Variants in EPHA3 observed in about 807,000 individuals in gnomAD.
EPHA3 encodes ephrin type-A receptor 3.
In EPHA3, 42 loss-of-function variants were observed where a neutral mutation model predicts 107.1. The observed-to-expected ratio is 0.39, with a 90% CI of 0.31 to 0.51. EPHA3 has a LOEUF of 0.51. Ranked by LOEUF, EPHA3 falls within the 20% of genes least tolerant of loss-of-function variation. The probability of loss-of-function intolerance (pLI) is 0.78; values close to 1 mark genes in which losing one functional copy is unlikely to be tolerated. For synonymous variants in EPHA3, 461 were observed against 424.8 expected (o/e 1.09, Z -1.05); for missense variants, 1,183 against 1,211.2 (o/e 0.98, Z 0.35).
At chr3:89,113,419 A>C (rs1707161916) in intron 1 of EPHA3, among the ~76,000 whole-genome samples, 1 of 124,962 alleles carries the variant, frequency 8.0e-6, no homozygotes, top group Non-Finnish European at 1.6e-5. Context: ...ACCTGGCAGG[A>C]GGTTTTCTCC....
chr3:89,121,242 AT>A (rs1213412179), intron 1 of EPHA3, among the ~76,000 whole-genome samples: 1 of 151,996 alleles, frequency 6.6e-6, no homozygotes, highest in East Asian at 1.9e-4. Flanking sequence ...TCTCAAAAAA[AT>A]AAATAAATAA....
In EPHA3 at chr3:89,341,035, C is replaced by A; in HGVS notation, c.934C>A (p.Arg312=). 2 of 1,614,046 alleles carry A rather than the reference C, an allele frequency of 1.2e-6. No individual in the cohort carries two copies. The highest frequency in any genetic ancestry group is 1.7e-6 in the Non-Finnish European group (2 of 1,179,980). ...CTGCAGGTGTGAGAATAATTACTTC[C>A]GGGCAGACAAAGACCCTCCATCCAT... ...MNCRCENNYF[R]ADKDPPSMAC... is the part of the protein sequence containing the mutation. The change falls in exon 4 of 17, where the codon CGG becomes AGG. Residue 312 remains arginine (R), a synonymous_variant. Transcript: ENST00000336596.
chr3:89,340,902 C>A lies in EPHA3; in HGVS notation c.815-14C>A. ...TTATCACAGACTTTTAAAAGAGAGT[C>A]ATTTTGTTTGTAGCTTGTCGACCAG... On this transcript the variant is annotated splice_polypyrimidine_tract_variant and intron_variant, in intron 3 of 16. Transcript: ENST00000336596. The A allele has an allele frequency of 6.3e-7, 1 of 1,587,450 alleles. No homozygotes were observed. Among genetic ancestry groups the A allele is most frequent in the Non-Finnish European group, 8.5e-7 (1 of 1,169,696 alleles).
At chr3:89,467,955 C>T (rs769990741) in intron 15 of EPHA3, among the ~76,000 whole-genome samples, 4 of 152,156 alleles carry the variant, frequency 2.6e-5, no homozygotes, top group African/African-American at 4.8e-5. Context: ...TGTGAGCTCA[C>T]GGTGCACATC....
At chr3:89,459,241 T>C (rs1202529916) in intron 15 of EPHA3, among the ~76,000 whole-genome samples, 1 of 152,178 alleles carries the variant, frequency 6.6e-6, no homozygotes, top group African/African-American at 2.4e-5. Flanking sequence ...AAAACTATTC[T>C]GAATTTTGGA....
At chr3:89,263,524 G>T (rs1204753563) in intron 3 of EPHA3, among the ~76,000 whole-genome samples, 1 of 152,152 alleles carries the variant, frequency 6.6e-6, no homozygotes, top group African/African-American at 2.4e-5. Flanking sequence ...GCAGTAACGG[G>T]AGCTGAAAAG....
At chr3:89,360,471 A>G (rs565081311) in intron 5 of EPHA3, among the ~76,000 whole-genome samples, 2 of 150,904 alleles carry the variant, frequency 1.3e-5, no homozygotes, top group South Asian at 4.2e-4. Flanking sequence ...GCTAACTGCA[A>G]CTCTATGCTT....
intron 5 of EPHA3, among the ~76,000 whole-genome samples, chr3:89,367,071 A>G (rs1339948118): frequency 2.7e-5 from 4 of 150,216 alleles, no homozygotes; most frequent in African/African-American, 4.8e-5. Context: ...TTGCGTTTCC[A>G]CCTCATCTGT....
chr3:89,241,770 C>T (rs368226709), intron 3 of EPHA3, among the ~76,000 whole-genome samples: 1 of 152,064 alleles, frequency 6.6e-6, no homozygotes, highest in South Asian at 2.1e-4. Context: ...TCTATTATTT[C>T]TTGGAACACA....
chr3:89,460,845 C>CTTTTTTTTTTT (rs1710220120), intron 15 of EPHA3, among the ~76,000 whole-genome samples: 1 of 79,982 alleles, frequency 1.3e-5, no homozygotes, highest in African/African-American at 5.1e-5. Flanking sequence ...TTTTATTATA[C>CTTTTTTTTTTT]TCTAAGTTTT....
chr3:89,346,903 G>A (rs1463284357), intron 5 of EPHA3, among the ~76,000 whole-genome samples: 3 of 146,582 alleles, frequency 2.0e-5, no homozygotes, highest in Non-Finnish European at 4.5e-5. Flanking sequence ...GTTTTTCTCA[G>A]GTTTGTCAAA....
intron 2 of EPHA3, among the ~76,000 whole-genome samples, chr3:89,188,123 T>C (rs1214548200): frequency 6.6e-6 from 1 of 152,218 alleles, no homozygotes; most frequent in African/African-American, 2.4e-5. Flanking sequence ...ATTTTCATGA[T>C]GACAATAAAT....
intron 2 of EPHA3, among the ~76,000 whole-genome samples, chr3:89,140,340 AAC>A (rs1704405102): frequency 6.6e-6 from 1 of 151,856 alleles, no homozygotes; most frequent in Non-Finnish European, 1.5e-5. Flanking sequence ...CTAGTCTTAA[AAC>A]AGAAGGATTG....
intron 11 of EPHA3, among the ~76,000 whole-genome samples, chr3:89,422,575 T>C (rs1481198993): frequency 6.6e-6 from 1 of 151,372 alleles, no homozygotes; most frequent in Non-Finnish European, 1.5e-5. Context: ...TTACTATTTT[T>C]AGATACTAAA....
intron 1 of EPHA3, among the ~76,000 whole-genome samples, chr3:89,114,416 G>T (rs1274270096): frequency 6.6e-6 from 1 of 152,084 alleles, no homozygotes; most frequent in Non-Finnish European, 1.5e-5. Context: ...GAAAACAACG[G>T]TGTCTCTCAA....
intron 5 of EPHA3, among the ~76,000 whole-genome samples, chr3:89,373,019 A>G (rs1708338353): frequency 6.6e-6 from 1 of 151,798 alleles, no homozygotes; most frequent in South Asian, 2.1e-4. Flanking sequence ...TTTCTTTTCT[A>G]GTCTTTCACT....
chr3:89,177,540 A>G (rs1282614647), intron 2 of EPHA3, among the ~76,000 whole-genome samples: 1 of 152,168 alleles, frequency 6.6e-6, no homozygotes, highest in Non-Finnish European at 1.5e-5. Flanking sequence ...GTGAAGGGTT[A>G]CTTCCTTTCT....
At chr3:89,418,292 T>A (rs577480378) in intron 10 of EPHA3, among the ~76,000 whole-genome samples, 3 of 151,524 alleles carry the variant, frequency 2.0e-5, no homozygotes, top group African/African-American at 7.2e-5. Flanking sequence ...AGTTCTTCTG[T>A]GAACAAAGGA....
intron 1 of EPHA3, among the ~76,000 whole-genome samples, chr3:89,113,403 C>A (rs1707161181): frequency 1.5e-5 from 2 of 134,458 alleles, no homozygotes; most frequent in South Asian, 2.4e-4. Context: ...TCAGGTAGTT[C>A]TTGGAACCTG....
Sources: gnomAD v4.1 joint callset for allele counts (sites outside exome capture counted in the v4.1 genomes callset) on GRCh38, gnomAD v4.1.1 for gene constraint, MANE v1.5 for transcripts, NCBI Gene and HGNC (gene_info 2026-07-23, HGNC 2026-07-21) for gene names.